The following TFEC variants were observed in gnomAD, a reference collection of about 807,000 sequenced individuals.
TFEC encodes the protein transcription factor EC, also known as class E basic helix-loop-helix protein 34.
A neutral mutation model predicts 41.6 loss-of-function variants in TFEC; 31 were observed. The observed-to-expected ratio is 0.74, with a 90% CI of 0.56 to 1.01. TFEC has a LOEUF of 1.01. Among genes scored for constraint, TFEC ranks in the 50% least tolerant of loss-of-function variants. The pLI, the probability that TFEC is intolerant of heterozygous loss-of-function variation, is 0.00. For missense variants in TFEC, 402 were observed against 404.1 expected, an observed-to-expected ratio of 0.99 and a Z score of 0.04; for synonymous variants, 143 against 140.6, an observed-to-expected ratio of 1.02 and a Z score of -0.12.
intron 3 of TFEC, among the ~76,000 whole-genome samples, chr7:116,072,651 T>A (rs958248219): frequency 2.0e-5 from 3 of 151,680 alleles, no homozygotes; most frequent in Admixed American, 2.0e-4. Context: ...CCTTATAATG[T>A]TGTATTGATG....
Position 116,104,753 on chromosome 7 carries a change from C to CA in TFEC, c.198+5954dup, listed in dbSNP as rs761114978. On this transcript the variant is annotated intron_variant, in intron 3 of 8. Transcript: ENST00000484212. ...CATAATTTTTTAAGCCTGTATTTCA[C>CA]AAAAAAAAAAAAAGCTAAAGTTTTA... Among the ~76,000 whole-genome samples the CA allele has an allele frequency of 7.3e-3, 779 of 106,246 alleles. 3 individuals carry two copies. Among genetic ancestry groups the CA allele is most frequent in the African/African-American group, 0.013 (391 of 29,232 alleles). 69.7% of individuals were successfully genotyped at this position (106,246 alleles called of 152,430 possible). A position where few individuals can be genotyped will look rare whatever the true frequency, so the allele number is the denominator to read the frequency against.
chr7:116,050,270 A>C (rs1796275967), intron 3 of TFEC, among the ~76,000 whole-genome samples: 1 of 152,204 alleles, frequency 6.6e-6, no homozygotes, highest in Non-Finnish European at 1.5e-5. Flanking sequence ...AGAGGAATCA[A>C]ATAGATGCAA....
chr7:116,102,179 C>T (rs745436997), intron 3 of TFEC, among the ~76,000 whole-genome samples: 7 of 152,154 alleles, frequency 4.6e-5, no homozygotes, highest in East Asian at 1.9e-4. Context: ...AAGTATAATG[C>T]GGGAGAAATT....
At chr7:115,951,887 A>G (rs1791962768) in intron 5 of TFEC, among the ~76,000 whole-genome samples, 1 of 152,134 alleles carries the variant, frequency 6.6e-6, no homozygotes, top group Non-Finnish European at 1.5e-5. Flanking sequence ...CTCTAAGAGC[A>G]GTCTTCTACT....
chr7:115,940,356 T>A lies in TFEC; in HGVS notation c.*195A>T. 1.8e-6 allele frequency: 1 copy of A among 560,954 alleles called. No homozygotes were observed. 34.7% of individuals were successfully genotyped at this position (560,954 alleles called of 1,614,324 possible). A position where few individuals can be genotyped will look rare whatever the true frequency, so the allele number is the denominator to read the frequency against. ...GTAGTCAAAGAAGAAAACACCTTTT[T>A]TTCGCCCTCAATAATTCATTAACAC... On this transcript the variant is annotated 3_prime_UTR_variant, in exon 8 of 8. Coordinates refer to ENST00000265440, the MANE Select transcript of TFEC (RefSeq NM_012252.4).
At chr7:115,950,781 C>T (rs1291321873) in intron 6 of TFEC, 93 bp downstream of exon 6, 1 of 908,424 alleles carries the variant, frequency 1.1e-6, no homozygotes. Context: ...GCTTAGTTTC[C>T]TAGTCATTGG....
intron 1 of TFEC, among the ~76,000 whole-genome samples, chr7:116,002,360 T>G (rs1429059560): frequency 6.6e-6 from 1 of 152,184 alleles, no homozygotes; most frequent in Non-Finnish European, 1.5e-5. Context: ...ATGAATGACA[T>G]CCTATCATTT....
intron 3 of TFEC, among the ~76,000 whole-genome samples, chr7:116,080,245 C>T (rs868164474): frequency 1.3e-5 from 2 of 151,852 alleles, no homozygotes; most frequent in Non-Finnish European, 2.9e-5. Context: ...TGGGAAAACC[C>T]TTCTAGACAT....
chr7:115,975,277 A>G (rs2130611975), intron 2 of TFEC, among the ~76,000 whole-genome samples: 1 of 151,846 alleles, frequency 6.6e-6, no homozygotes, highest in African/African-American at 2.4e-5. Flanking sequence ...ATCATATTCC[A>G]TTTAGTTAAA....
At chr7:116,006,550 T>C (rs1794797259) in intron 1 of TFEC, among the ~76,000 whole-genome samples, 1 of 152,196 alleles carries the variant, frequency 6.6e-6, no homozygotes, top group Non-Finnish European at 1.5e-5. Context: ...GCACCCTCAC[T>C]GTATCTAGGA....
chr7:115,980,082 TCTTA>T (rs1793559052), intron 2 of TFEC, among the ~76,000 whole-genome samples: 2 of 152,324 alleles, frequency 1.3e-5, no homozygotes, highest in Non-Finnish European at 2.9e-5. Flanking sequence ...TCTTCTTCTT[TCTTA>T]CTAATGTTTT....
At chr7:116,150,635 A>G (rs1048879322) in intron 1 of TFEC, among the ~76,000 whole-genome samples, 6 of 152,236 alleles carry the variant, frequency 3.9e-5, no homozygotes, top group East Asian at 1.9e-4. Context: ...CAACCCTGGC[A>G]CCTACTCTTC....
rs181483910 is a variant in TFEC, at chr7:115,990,875, A to G, written c.-72-6362T>C. Among the ~76,000 whole-genome samples the G allele has an allele frequency of 7.7e-3, 1,176 of 152,314 alleles. 26 individuals are homozygous for G. Among genetic ancestry groups the G allele is most frequent in the African/African-American group, 0.027 (1,120 of 41,556 alleles). On this transcript the variant is annotated intron_variant, in intron 1 of 7. Transcript: ENST00000265440. ...GCCAACATTCAAATTCAGGAAATGC[A>G]GAGAACGCCACAAAGATACTCCTCG...
intron 3 of TFEC, among the ~76,000 whole-genome samples, chr7:116,104,319 A>G (rs1797668449): frequency 6.6e-6 from 1 of 152,158 alleles, no homozygotes; most frequent in African/African-American, 2.4e-5. Flanking sequence ...TGGGCTATCA[A>G]GCTATTTCAC....
At chr7:115,942,615 T>C (rs1219108216) in intron 6 of TFEC, among the ~76,000 whole-genome samples, 1 of 152,024 alleles carries the variant, frequency 6.6e-6, no homozygotes, top group Non-Finnish European at 1.5e-5. Context: ...TCAGTCATTT[T>C]TTTTCTATAC....
intron 1 of TFEC, among the ~76,000 whole-genome samples, chr7:115,997,666 T>C (rs369898498): frequency 3.3e-5 from 5 of 152,212 alleles, no homozygotes; most frequent in African/African-American, 1.2e-4. Context: ...AGGCAAAGAA[T>C]TCAAACTAGA....
intron 1 of TFEC, among the ~76,000 whole-genome samples, chr7:116,122,722 G>A (rs755101767): frequency 1.3e-5 from 2 of 152,060 alleles, no homozygotes; most frequent in Non-Finnish European, 2.9e-5. Context: ...TGAGGTTCTA[G>A]GGCAAGTAGA....
chr7:115,961,305 A>T (rs1792534742), intron 3 of TFEC, among the ~76,000 whole-genome samples: 1 of 151,686 alleles, frequency 6.6e-6, no homozygotes, highest in Non-Finnish European at 1.5e-5. Context: ...TTGAAATTTT[A>T]GAAAATTGTT....
At chr7:116,055,226 T>C (rs1248664153) in intron 3 of TFEC, among the ~76,000 whole-genome samples, 2 of 152,112 alleles carry the variant, frequency 1.3e-5, no homozygotes, top group African/African-American at 4.8e-5. Flanking sequence ...AATAATTCCA[T>C]AGTTATATTT....
Sources: gnomAD v4.1 joint callset for allele counts (sites outside exome capture counted in the v4.1 genomes callset) on GRCh38, gnomAD v4.1.1 for gene constraint, MANE v1.5 for transcripts, NCBI Gene and HGNC (gene_info 2026-07-23, HGNC 2026-07-21) for gene names.